Variants in NFIA observed in about 807,000 individuals in gnomAD.
The protein encoded by NFIA is nuclear factor 1 A-type.
NFIA carries 8 observed loss-of-function variants against 62.8 expected under a neutral mutation model. The observed-to-expected ratio is 0.13, with a 90% CI of 0.07 to 0.23. The LOEUF is 0.23. Among genes scored for constraint, NFIA ranks in the 10% least tolerant of loss-of-function variants. The pLI is 1.00. For missense variants in NFIA, 410 were observed against 642.1 expected, an observed-to-expected ratio of 0.64 and a Z score of 3.91; for synonymous variants, 235 against 238.1, an observed-to-expected ratio of 0.99 and a Z score of 0.12.
chr1:61,401,072 T>C (rs142713801), intron 7 of NFIA, among the ~76,000 whole-genome samples: 1 of 152,304 alleles, frequency 6.6e-6, no homozygotes, highest in African/African-American at 2.4e-5. Flanking sequence ...ATTTTCTGTT[T>C]GAAGAAATGA....
At chr1:61,345,887 T>C (rs1379365492) in intron 4 of NFIA, among the ~76,000 whole-genome samples, 1 of 152,200 alleles carries the variant, frequency 6.6e-6, no homozygotes, top group East Asian at 1.9e-4. Flanking sequence ...GCCCAACTTC[T>C]GGTTCATAAA....
chr1:61,105,284 A>G (rs1234702755), intron 2 of NFIA, among the ~76,000 whole-genome samples: 1 of 151,992 alleles, frequency 6.6e-6, no homozygotes, highest in African/African-American at 2.4e-5. Context: ...TTAAATGACA[A>G]AAACTAGGTA....
intron 2 of NFIA, among the ~76,000 whole-genome samples, chr1:61,118,868 T>C (rs898304147): frequency 2.0e-5 from 3 of 152,144 alleles, no homozygotes; most frequent in African/African-American, 7.2e-5. Context: ...TGGAATGTGC[T>C]GTTATAGCAG....
At chr1:61,137,307 T>C (rs1231709517) in intron 2 of NFIA, among the ~76,000 whole-genome samples, 1 of 152,176 alleles carries the variant, frequency 6.6e-6, no homozygotes, top group Non-Finnish European at 1.5e-5. Context: ...TAGTTATTAC[T>C]GACCTAATTT....
intron 2 of NFIA, among the ~76,000 whole-genome samples, chr1:61,201,209 T>C (rs961005733): frequency 2.0e-5 from 3 of 152,204 alleles, no homozygotes; most frequent in Admixed American, 2.0e-4. Flanking sequence ...ATCCTATCTA[T>C]GGAAAATATA....
At chr1:61,222,590 T>C (rs1269290844) in intron 2 of NFIA, among the ~76,000 whole-genome samples, 2 of 152,086 alleles carry the variant, frequency 1.3e-5, no homozygotes, top group Non-Finnish European at 2.9e-5. Context: ...TTACTAACTT[T>C]AATGATGGGT....
chr1:61,197,804 A>AC (rs112994482), intron 2 of NFIA, among the ~76,000 whole-genome samples: 4,825 of 151,552 alleles, frequency 0.032, 144 homozygotes, highest in African/African-American at 0.066. Flanking sequence ...ATATAGTGAA[A>AC]CCCCATCTCT....
At chr1:61,255,252 C>T (rs1293734696) in intron 2 of NFIA, among the ~76,000 whole-genome samples, 1 of 152,198 alleles carries the variant, frequency 6.6e-6, no homozygotes, top group Non-Finnish European at 1.5e-5. Flanking sequence ...TTTGACATTT[C>T]CCACAGTCTG....
intron 7 of NFIA, among the ~76,000 whole-genome samples, chr1:61,389,847 C>T (rs1664880905): frequency 6.6e-6 from 1 of 151,998 alleles, no homozygotes; most frequent in African/African-American, 2.4e-5. Flanking sequence ...AGGTGCACGC[C>T]ACTTTAGAGA....
At chr1:61,308,653 C>G (rs1659931006) in intron 3 of NFIA, among the ~76,000 whole-genome samples, 1 of 152,152 alleles carries the variant, frequency 6.6e-6, no homozygotes, top group Non-Finnish European at 1.5e-5. Flanking sequence ...TGGCTTTGTC[C>G]TTTTCTAGTA....
intron 2 of NFIA, among the ~76,000 whole-genome samples, chr1:61,209,277 A>T (rs1653091189): frequency 6.6e-6 from 1 of 152,166 alleles, no homozygotes; most frequent in Non-Finnish European, 1.5e-5. Context: ...TCATTGTGTA[A>T]AAAGCCGTCG....
At chr1:61,208,959 C>T (rs1653065972) in intron 2 of NFIA, among the ~76,000 whole-genome samples, 1 of 152,112 alleles carries the variant, frequency 6.6e-6, no homozygotes, top group Admixed American at 6.5e-5. Context: ...AAGCTCTTAA[C>T]AGTAACAGCC....
chr1:61,375,016 G>A lies in NFIA; in HGVS notation c.947-8221G>A, dbSNP rs141331863. On this transcript the variant is annotated intron_variant, in intron 6 of 10. Coordinates refer to ENST00000403491, the MANE Select transcript of NFIA (RefSeq NM_001134673.4). ...GTCTTCAACGACCTCCTTGTATCAC[G>A]CAGCCTGTGTTTATGCTCACAAGAA... 1.7e-4 allele frequency among the ~76,000 whole-genome samples: 26 copies of A among 152,210 alleles called. No homozygotes were observed. The East Asian group carries it at 3.1e-3, about 18-fold the overall frequency.
chr1:61,315,881 C>T (rs1257712255), intron 3 of NFIA, among the ~76,000 whole-genome samples: 6 of 152,152 alleles, frequency 3.9e-5, no homozygotes, highest in Middle Eastern at 3.2e-3. Flanking sequence ...CATGTTATTT[C>T]GTATTTCCAT....
chr1:61,262,304 G>A (rs1379742150), intron 2 of NFIA, among the ~76,000 whole-genome samples: 1 of 152,148 alleles, frequency 6.6e-6, no homozygotes, highest in African/African-American at 2.4e-5. Flanking sequence ...TGTTCATTAT[G>A]ACTTCAGTGT....
chr1:61,091,842 AGTT>A (rs1368301635), intron 2 of NFIA, among the ~76,000 whole-genome samples: 2 of 151,174 alleles, frequency 1.3e-5, no homozygotes, highest in South Asian at 2.1e-4. Flanking sequence ...GTTTCTGGAG[AGTT>A]GTTGTTTTTT....
chr1:61,402,774 T>C (rs1665634554), intron 7 of NFIA, among the ~76,000 whole-genome samples: 1 of 152,198 alleles, frequency 6.6e-6, no homozygotes, highest in South Asian at 2.1e-4. Context: ...CTGCAAGACA[T>C]GGATTGGAAA....
intron 2 of NFIA, among the ~76,000 whole-genome samples, chr1:61,178,603 G>A (rs1340909857): frequency 6.6e-6 from 1 of 152,180 alleles, no homozygotes; most frequent in East Asian, 1.9e-4. Flanking sequence ...TGTGACTGTG[G>A]TAAGGCTGCA....
At chr1:61,081,702 C>G, upstream of NFIA, 1 of 600,614 alleles carries the variant, frequency 1.7e-6, no homozygotes, top group Non-Finnish European at 2.9e-6. Flanking sequence ...TCTCCAGACC[C>G]CCGCCCCCCA....
Sources: gnomAD v4.1 joint callset for allele counts (sites outside exome capture counted in the v4.1 genomes callset) on GRCh38, gnomAD v4.1.1 for gene constraint, MANE v1.5 for transcripts, NCBI Gene and HGNC (gene_info 2026-07-23, HGNC 2026-07-21) for gene names.